The following LTA4H variants were observed in gnomAD, a reference collection of about 807,000 sequenced individuals.
The protein encoded by LTA4H is leukotriene A-4 hydrolase.
In LTA4H, 59 loss-of-function variants were observed where a neutral mutation model predicts 89.8. The ratio of observed to expected loss-of-function variants is 0.66; its 90% CI spans 0.53 to 0.82. The LOEUF (loss-of-function observed/expected upper bound fraction) is 0.82. Ranked by LOEUF, LTA4H falls within the 40% of genes least tolerant of loss-of-function variation. LTA4H has a pLI of 0.00. For missense variants in LTA4H, 617 were observed against 727.0 expected (o/e 0.85, Z 1.74); for synonymous variants, 227 against 253.1 (o/e 0.90, Z 0.98).
chr12:96,037,266 G>A (rs1411260962), upstream of LTA4H, among the ~76,000 whole-genome samples: 1 of 152,180 alleles, frequency 6.6e-6, no homozygotes, highest in Admixed American at 6.5e-5. Context: ...ACATGACCAC[G>A]TCACATAACG....
At chr12:96,035,316 A>C (rs775065967) in intron 1 of LTA4H, 45 bp downstream of exon 1, 1 of 1,568,718 alleles carries the variant, frequency 6.4e-7, no homozygotes, top group African/African-American at 1.4e-5. Context: ...GTCGAGGGGC[A>C]GGGAGCCCGG....
chr12:96,012,973 AAAG>A (rs1950325407), intron 14 of LTA4H: 5 of 484,672 alleles, frequency 1.0e-5, no homozygotes, highest in Non-Finnish European at 1.9e-5. Context: ...CCTTGTGCAG[AAAG>A]GAGGCACTCA....
intron 18 of LTA4H, among the ~76,000 whole-genome samples, chr12:96,002,491 G>GA (rs1950120050): frequency 6.6e-6 from 1 of 152,038 alleles, no homozygotes; most frequent in Non-Finnish European, 1.5e-5. Flanking sequence ...CTTGTATCTT[G>GA]CTGTCAAGAT....
At chr12:96,036,081 C>T (rs900306219), upstream of LTA4H, among the ~76,000 whole-genome samples, 5 of 151,930 alleles carry the variant, frequency 3.3e-5, no homozygotes, top group African/African-American at 1.2e-4. Flanking sequence ...GGTTCGATTC[C>T]CCGACGGGGA....
Position 96,033,599 on chromosome 12 carries a change from T to G in LTA4H, c.159+1762A>C, listed in dbSNP as rs545323408. On this transcript the variant is annotated intron_variant, in intron 1 of 18. Coordinates refer to ENST00000228740, the MANE Select transcript of LTA4H (RefSeq NM_000895.3). ...TATACTTTAAGTTCTGGGGTACATGTGCAGAACGTGCAGGTTTGTTACATA... is the reference window on the plus strand; with the variant it reads ...TATACTTTAAGTTCTGGGGTACATGGGCAGAACGTGCAGGTTTGTTACATA... 1.0e-3 allele frequency among the ~76,000 whole-genome samples: 156 copies of G among 152,334 alleles called. 2 individuals are homozygous for G. The South Asian group carries it at 0.031, about 30-fold the overall frequency.
chr12:96,008,547 CTTTTT>C (rs112741878), intron 15 of LTA4H, among the ~76,000 whole-genome samples: 1 of 147,306 alleles, frequency 6.8e-6, no homozygotes, highest in Non-Finnish European at 1.5e-5. Flanking sequence ...TTTTTGCATA[CTTTTT>C]TTTTTTAAGA....
At chr12:96,017,272 C>T (rs1950392613) in intron 9 of LTA4H, among the ~76,000 whole-genome samples, 158 bp from the exon 10 acceptor site, 1 of 152,052 alleles carries the variant, frequency 6.6e-6, no homozygotes, top group South Asian at 2.1e-4. Context: ...TAACCAAAGA[C>T]ATACACACAC....
rs771110833 is a variant in LTA4H at position 96,006,318 on chromosome 12, T to C, written c.1526A>G (p.Gln509Arg). The change falls in exon 16 of 19, where the codon CAG becomes CGG. Residue 509 changes from glutamine to arginine, a missense_variant. Around this residue, in one of 3 missense-constraint regions of LTA4H, gnomAD observed 290 missense variants for 339.1 expected, o/e 0.86. Transcript: ENST00000228740. ...AGATTTTGAGCTAGTACTTACCCTC[T>C]GGAGCGTCTGTGCTAAAAACTCATT... ...QLNEFLAQTL[Q>R]RAPLPLGHIK... is the part of the protein sequence containing the mutation. The C allele has an allele frequency of 7.5e-6, 12 of 1,601,478 alleles. No homozygotes were observed. Among genetic ancestry groups the C allele is most frequent in the Admixed American group, 1.7e-5 (1 of 59,808 alleles).
intron 16 of LTA4H, among the ~76,000 whole-genome samples, chr12:96,005,614 C>T (rs1161545381): frequency 1.3e-5 from 2 of 152,200 alleles, no homozygotes; most frequent in Admixed American, 1.3e-4. Context: ...ATTTCTACCT[C>T]CCTGCTAGCC....
intron 1 of LTA4H, among the ~76,000 whole-genome samples, chr12:96,041,969 TC>T: frequency 7.0e-6 from 1 of 143,398 alleles, no homozygotes; most frequent in South Asian, 2.4e-4. Flanking sequence ...ATTAAACGTT[TC>T]TTTTTGTTTT....
intron 10 of LTA4H, 95 bp downstream of exon 10, chr12:96,016,949 C>A: frequency 1.1e-5 from 9 of 808,658 alleles, no homozygotes; most frequent in African/African-American, 3.5e-5. Flanking sequence ...CAAAGAAAAA[C>A]AAGAGATACA....
intron 7 of LTA4H, 35 bp from the exon 8 acceptor site, chr12:96,018,938 A>C: frequency 2.0e-6 from 3 of 1,512,852 alleles, no homozygotes; most frequent in Non-Finnish European, 2.7e-6. Context: ...TGTATGCCTT[A>C]ATTATCACCA....
chr12:96,015,031 A>G (rs1272049843), intron 11 of LTA4H, 32 bp from the exon 12 acceptor site: 2 of 1,600,420 alleles, frequency 1.2e-6, no homozygotes, highest in Admixed American at 1.7e-5. Flanking sequence ...GGAGAAACAT[A>G]TAGAAAGACT....
In LTA4H at chr12:96,024,464, A is replaced by C. The variant is rs779123268; in HGVS notation, c.480+15T>G. The stretch of plus-strand genomic sequence containing the variant: ...TATGCATCATTTAATTGAGTTAATA[A>C]TTCGTAATATTTACCTCTGCAGTAT... On this transcript the variant is annotated intron_variant, in intron 4 of 18. Transcript: ENST00000228740. The C allele has an allele frequency of 2.0e-6, 3 of 1,509,684 alleles. No individual in the cohort carries two copies. The highest frequency in any genetic ancestry group is 2.8e-6 in the Non-Finnish European group (3 of 1,086,930). The allele number at this position is 1,509,684 out of a possible 1,614,324, so 93.5% of individuals were successfully genotyped here. A position where few individuals can be genotyped will look rare whatever the true frequency, so the allele number is the denominator to read the frequency against.
At chr12:96,037,692 CTTTT>C (rs1205832896), upstream of LTA4H, among the ~76,000 whole-genome samples, 1 of 114,186 alleles carries the variant, frequency 8.8e-6, no homozygotes, top group Non-Finnish European at 1.7e-5. Context: ...ATTGAGAAAG[CTTTT>C]TTTTTTTTTT....
At position 96,029,239 on chromosome 12, in the gene LTA4H, C is replaced by T. The variant is rs12721568; in HGVS notation, c.160-54G>A. The T allele has an allele frequency of 8.4e-3, 8,981 of 1,062,986 alleles. 271 individuals carry two copies. The African/African-American group carries it at 0.092, about 11-fold the overall frequency. 65.8% of individuals were successfully genotyped at this position (1,062,986 alleles called of 1,614,324 possible). Reference sequence around the variant, plus strand: ...AAATAGTTTCATTTACCAGAAAAAACTCATATTAGATATAGGCTACAACAA... The same window carrying T: ...AAATAGTTTCATTTACCAGAAAAAATTCATATTAGATATAGGCTACAACAA... On this transcript the variant is annotated intron_variant, in intron 1 of 18. Transcript: ENST00000228740.
chr12:96,030,228 C>T (rs879305056), intron 1 of LTA4H, among the ~76,000 whole-genome samples: 14 of 152,144 alleles, frequency 9.2e-5, no homozygotes, highest in Middle Eastern at 3.4e-3. Context: ...TTTTTCCTTT[C>T]CCCTCCTTTA....
At chr12:96,024,174 C>A (rs776996087) in intron 4 of LTA4H, among the ~76,000 whole-genome samples, 44 of 152,222 alleles carry the variant, frequency 2.9e-4, no homozygotes, top group Non-Finnish European at 6.0e-4. Context: ...CCTCGTGATC[C>A]ACCCATCTCG....
In LTA4H at chr12:96,029,086, T is replaced by C. The variant is rs530290388; in HGVS notation, c.259A>G (p.Met87Val). 41 of 1,589,348 alleles carry C rather than the reference T, an allele frequency of 2.6e-5. 1 individual carries two copies. In the South Asian group the frequency reaches 3.4e-4, roughly 13 times the overall value. ...GERQSYKGSP[M>V]EISLPIALSK... ...AAAGCGATAGGAAGAGAGATTTCCA[T>C]TGGCGATCCCTTGTAACTTTGTCTT... Residue 87 changes from methionine (M) to valine (V), a missense_variant, in exon 2 of 19, where the codon ATG becomes GTG. This residue lies in a region of LTA4H where 155 missense variants were observed against 143.3 expected (regional missense o/e 1.08). Coordinates refer to ENST00000228740, the MANE Select transcript of LTA4H (RefSeq NM_000895.3).
Sources: gnomAD v4.1 joint callset for allele counts (sites outside exome capture counted in the v4.1 genomes callset) on GRCh38, gnomAD v4.1.1 for gene constraint, gnomAD v4.1.1 regional missense constraint, MANE v1.5 for transcripts, NCBI Gene and HGNC (gene_info 2026-07-23, HGNC 2026-07-21) for gene names.